Variants in PTPRN2 observed in about 807,000 individuals in gnomAD.
PTPRN2 encodes receptor-type tyrosine-protein phosphatase N2.
PTPRN2 carries 74 observed loss-of-function variants against 118.8 expected under a neutral mutation model. The observed-to-expected ratio is 0.62, with a 90% confidence interval of 0.52 to 0.76. The LOEUF (loss-of-function observed/expected upper bound fraction) is 0.76. PTPRN2 is among the 30% of genes least tolerant of loss of function. PTPRN2 has a pLI of 0.00. For missense variants in PTPRN2, 1,481 were observed against 1,394.4 expected (o/e 1.06, Z -0.99); for synonymous variants, 641 against 608.0 (o/e 1.05, Z -0.80).
intron 2 of PTPRN2, among the ~76,000 whole-genome samples, chr7:158,327,364 G>A (rs7781761): frequency 2.0e-5 from 3 of 149,128 alleles, no homozygotes; most frequent in African/African-American, 7.4e-5. Context: ...TGTACACATT[G>A]TCACACACAC....
chr7:158,085,177 C>T (rs1813217762), intron 10 of PTPRN2, among the ~76,000 whole-genome samples: 1 of 135,640 alleles, frequency 7.4e-6, no homozygotes, highest in African/African-American at 2.9e-5. Flanking sequence ...GATACCCATC[C>T]ACACCCACGA....
intron 20 of PTPRN2, among the ~76,000 whole-genome samples, chr7:157,570,376 T>C (rs1799697682): frequency 1.3e-5 from 2 of 152,286 alleles, no homozygotes; most frequent in East Asian, 3.8e-4. Context: ...AACCGTAATC[T>C]ATTTTCATCC....
intron 12 of PTPRN2, among the ~76,000 whole-genome samples, chr7:157,710,031 G>T (rs1267399743): frequency 6.6e-6 from 1 of 152,152 alleles, no homozygotes; most frequent in Admixed American, 6.5e-5. Flanking sequence ...TGGCTCTGTG[G>T]GGGTCGGACG....
intron 12 of PTPRN2, among the ~76,000 whole-genome samples, chr7:157,877,652 C>T (rs895017306): frequency 3.9e-5 from 6 of 152,168 alleles, no homozygotes; most frequent in Non-Finnish European, 5.9e-5. Context: ...CATCAAAGCC[C>T]GGGTCTTGGT....
At chr7:157,683,533 A>C (rs968637618) in intron 12 of PTPRN2, among the ~76,000 whole-genome samples, 1 of 151,820 alleles carries the variant, frequency 6.6e-6, no homozygotes, top group Non-Finnish European at 1.5e-5. Flanking sequence ...GACTCCAGTC[A>C]CTCTCCAGGA....
intron 12 of PTPRN2, among the ~76,000 whole-genome samples, chr7:157,761,269 CAAA>C (rs1466204418): frequency 7.8e-4 from 118 of 152,128 alleles, no homozygotes; most frequent in African/African-American, 2.7e-3. Flanking sequence ...CATATGGAAT[CAAA>C]AAAGAGCCCA....
At chr7:158,333,411 C>T (rs201679259) in intron 2 of PTPRN2, among the ~76,000 whole-genome samples, 1 of 146,698 alleles carries the variant, frequency 6.8e-6, no homozygotes, top group East Asian at 2.1e-4. Flanking sequence ...ACGTCACTCA[C>T]ACCCACACTG....
In PTPRN2 at chr7:158,586,755, CGGG is replaced by C. The variant is rs370799058; in HGVS notation, c.112+800_112+802del. Among the ~76,000 whole-genome samples the C allele has an allele frequency of 4.5e-4, 68 of 152,236 alleles. 3 individuals carry two copies. Among genetic ancestry groups the C allele is most frequent in the South Asian group, 4.1e-3 (20 of 4,826 alleles). ...CCTCTGATTTCGGCGGCGCTGCCCGCGGGGGGGTGCGGGGGACGCAGGTAGAAG... is the reference window on the plus strand; with the variant it reads ...CCTCTGATTTCGGCGGCGCTGCCCGCGGGGTGCGGGGGACGCAGGTAGAAG... On this transcript the variant is annotated intron_variant, in intron 1 of 22. Transcript: ENST00000389418.
intron 9 of PTPRN2, 105 bp from the exon 10 acceptor site, chr7:158,111,020 C>T (rs1425070764): frequency 6.2e-6 from 6 of 963,178 alleles, no homozygotes; most frequent in Admixed American, 2.7e-5. Flanking sequence ...CCCACACACA[C>T]CCTGCTCTCC....
rs185206165 is a variant in PTPRN2, at chr7:157,805,503, C to T, written c.1788+93170G>A. 5.5e-4 allele frequency among the ~76,000 whole-genome samples: 84 copies of T among 152,138 alleles called. 1 individual carries two copies. In the East Asian group the frequency reaches 0.014, roughly 25 times the overall value. ...GGAAGACATAAATTTTTAAAACATG[C>T]GAAGAATTTAAATGAGCACCAGGGG... On this transcript the variant is annotated intron_variant, in intron 12 of 22. Coordinates refer to ENST00000389418, the MANE Select transcript of PTPRN2 (RefSeq NM_002847.5).
intron 2 of PTPRN2, among the ~76,000 whole-genome samples, chr7:158,326,927 ACATG>A (rs1014268704): frequency 4.0e-5 from 6 of 151,212 alleles, no homozygotes; most frequent in African/African-American, 1.5e-4. Context: ...ACACGTTCTC[ACATG>A]CACACATACA....
intron 12 of PTPRN2, among the ~76,000 whole-genome samples, chr7:157,817,476 G>A (rs933375046): frequency 3.2e-4 from 49 of 152,124 alleles, no homozygotes; most frequent in Admixed American, 1.0e-3. Flanking sequence ...TGCCACTGCC[G>A]GAGCCACCCC....
chr7:158,048,995 A>G, intron 11 of PTPRN2, among the ~76,000 whole-genome samples: 1 of 77,670 alleles, frequency 1.3e-5, no homozygotes, highest in Non-Finnish European at 2.7e-5. Context: ...CATCGTTATT[A>G]CCATCACATC....
chr7:158,578,628 G>A (rs932304543), intron 1 of PTPRN2, among the ~76,000 whole-genome samples: 1 of 151,810 alleles, frequency 6.6e-6, no homozygotes, highest in African/African-American at 2.4e-5. Context: ...TTGGGTTTAT[G>A]ATGATCCTGT....
chr7:158,491,687 A>T (rs937857495), intron 1 of PTPRN2, among the ~76,000 whole-genome samples: 1 of 152,220 alleles, frequency 6.6e-6, no homozygotes, highest in African/African-American at 2.4e-5. Flanking sequence ...ACGGGATTTC[A>T]CCATGTTGGC....
intron 12 of PTPRN2, among the ~76,000 whole-genome samples, chr7:157,773,141 G>C (rs554784813): frequency 2.3e-4 from 35 of 152,284 alleles, no homozygotes; most frequent in East Asian, 1.9e-4. Context: ...GCAGCTCATC[G>C]CGAGGACCTC....
chr7:158,386,694 C>T (rs144516783), intron 2 of PTPRN2, among the ~76,000 whole-genome samples: 30 of 152,318 alleles, frequency 2.0e-4, no homozygotes, highest in African/African-American at 7.2e-4. Context: ...TCCACCATCA[C>T]CAAATGTAGA....
chr7:158,134,207 G>T, intron 8 of PTPRN2, 148 bp from the exon 9 acceptor site: 1 of 889,288 alleles, frequency 1.1e-6, no homozygotes, highest in Non-Finnish European at 1.7e-6. Flanking sequence ...AGTGTGTGCA[G>T]TCTATATTTA....
At chr7:157,727,860 A>AC (rs1307453242) in intron 12 of PTPRN2, among the ~76,000 whole-genome samples, 1 of 152,016 alleles carries the variant, frequency 6.6e-6, no homozygotes, top group South Asian at 2.1e-4. Flanking sequence ...CTGCCCTTGG[A>AC]CCCCTGAGTC....
Sources: allele counts gnomAD v4.1 joint callset (sites outside exome capture counted in the v4.1 genomes callset), GRCh38; gene constraint gnomAD v4.1.1; transcripts MANE v1.5; gene names NCBI Gene and HGNC (gene_info 2026-07-23, HGNC 2026-07-21).